Variants in TMEM232 observed in about 807,000 individuals in gnomAD.
TMEM232 encodes transmembrane protein 232.
A neutral mutation model predicts 78.8 loss-of-function variants in TMEM232; 80 were observed. That is an observed-to-expected ratio of 1.01 (90% CI 0.85 to 1.22). The LOEUF (loss-of-function observed/expected upper bound fraction) is 1.22, where lower values mean the gene tolerates loss of function less well. Ranked by LOEUF, TMEM232 falls within the 50% of genes most tolerant of loss-of-function variation. TMEM232 has a pLI of 0.00. For synonymous variants in TMEM232, 297 were observed against 254.3 expected, an observed-to-expected ratio of 1.17 and a Z score of -1.60; for missense variants, 881 against 742.2, an observed-to-expected ratio of 1.19 and a Z score of -2.17.
At chr5:110,728,516 T>C (rs1374775155), upstream of TMEM232, among the ~76,000 whole-genome samples, 2 of 151,628 alleles carry the variant, frequency 1.3e-5, no homozygotes, top group Non-Finnish European at 2.9e-5. Flanking sequence ...ATAATATTGG[T>C]ATAACCTTAG....
chr5:110,468,234 A>G lies in TMEM232; in HGVS notation c.1704-43318T>C, dbSNP rs576290725. On this transcript the variant is annotated intron_variant, in intron 12 of 13. Transcript: ENST00000455884. ...TTTTAAATTTTGAAAGAAAATAATCACCAATCCAAAATTATCTTCCCAGTG... is the reference window on the plus strand; with the variant it reads ...TTTTAAATTTTGAAAGAAAATAATCGCCAATCCAAAATTATCTTCCCAGTG... Among the ~76,000 whole-genome samples, 5 of 152,324 alleles carry G rather than the reference A, an allele frequency of 3.3e-5. No homozygotes were observed. In the East Asian group the frequency reaches 7.7e-4, roughly 23 times the overall value.
upstream of TMEM232, among the ~76,000 whole-genome samples, chr5:110,729,561 A>T (rs1181418573): frequency 6.6e-6 from 1 of 152,226 alleles, no homozygotes; most frequent in Non-Finnish European, 1.5e-5. Context: ...ACGGCAGATT[A>T]TATTTTCTCA....
intron 12 of TMEM232, among the ~76,000 whole-genome samples, chr5:110,490,171 AAGAAAG>A (rs1049915923): frequency 7.1e-6 from 1 of 140,396 alleles, no homozygotes. Flanking sequence ...GAAAGAAAGA[AAGAAAG>A]AAAGAAAGAA....
chr5:110,663,780 C>G (rs886309663), intron 2 of TMEM232, among the ~76,000 whole-genome samples: 1 of 146,832 alleles, frequency 6.8e-6, no homozygotes, highest in Admixed American at 6.9e-5. Context: ...TGTGTATATA[C>G]AATATTCAGA....
intron 12 of TMEM232, among the ~76,000 whole-genome samples, chr5:110,458,851 A>T (rs1303857190): frequency 6.6e-6 from 1 of 152,228 alleles, no homozygotes; most frequent in Non-Finnish European, 1.5e-5. Context: ...ATGCCGTTGC[A>T]TATAAAATAC....
chr5:110,581,735 A>G (rs1286137274), intron 10 of TMEM232, among the ~76,000 whole-genome samples: 2 of 151,798 alleles, frequency 1.3e-5, no homozygotes, highest in African/African-American at 4.8e-5. Context: ...AACCTACAAA[A>G]TGAGAGAAAA....
chr5:110,736,989 G>A (rs1387737775), intron 1 of TMEM232, among the ~76,000 whole-genome samples: 2 of 126,278 alleles, frequency 1.6e-5, no homozygotes, highest in South Asian at 3.0e-4. Flanking sequence ...CTTCAGAGAG[G>A]ACTTCCTTAT....
chr5:110,710,390 T>C (rs1796348398), intron 1 of TMEM232, among the ~76,000 whole-genome samples: 1 of 152,104 alleles, frequency 6.6e-6, no homozygotes, highest in Non-Finnish European at 1.5e-5. Context: ...TCTAAACTCA[T>C]TCTATGAGGC....
At chr5:110,657,171 A>G (rs1789189839) in intron 2 of TMEM232, among the ~76,000 whole-genome samples, 1 of 152,256 alleles carries the variant, frequency 6.6e-6, no homozygotes. Context: ...TAGTACAGCC[A>G]TAATGAATAA....
At chr5:110,447,721 G>A (rs1455454988) in intron 12 of TMEM232, among the ~76,000 whole-genome samples, 1 of 151,788 alleles carries the variant, frequency 6.6e-6, no homozygotes, top group Admixed American at 6.6e-5. Context: ...AAAGTCAGAG[G>A]AAAAAAAGAT....
At chr5:110,669,179 A>G (rs1031404548) in intron 1 of TMEM232, among the ~76,000 whole-genome samples, 12 of 152,192 alleles carry the variant, frequency 7.9e-5, no homozygotes, top group African/African-American at 2.9e-4. Context: ...AAAAAAATCA[A>G]TGAATCCAGG....
chr5:110,482,373 G>A (rs1763962118), intron 12 of TMEM232, among the ~76,000 whole-genome samples: 1 of 152,064 alleles, frequency 6.6e-6, no homozygotes, highest in South Asian at 2.1e-4. Flanking sequence ...CTGAGGTCAG[G>A]AGTTTGAGAT....
At chr5:110,427,824 A>G (rs1000734916) in intron 12 of TMEM232, among the ~76,000 whole-genome samples, 1 of 151,718 alleles carries the variant, frequency 6.6e-6, no homozygotes, top group African/African-American at 2.4e-5. Context: ...GTTCTTTTTC[A>G]TACAATGACA....
intron 12 of TMEM232, among the ~76,000 whole-genome samples, chr5:110,438,617 T>C (rs1758690234): frequency 6.6e-6 from 1 of 151,994 alleles, no homozygotes; most frequent in Admixed American, 6.6e-5. Flanking sequence ...TATCATGCAT[T>C]TACTTTCCGC....
At chr5:110,652,233 AATTTG>A (rs1358044337) in intron 2 of TMEM232, among the ~76,000 whole-genome samples, 112 of 151,384 alleles carry the variant, frequency 7.4e-4, no homozygotes, top group African/African-American at 2.1e-3. Flanking sequence ...AATTCAATTC[AATTTG>A]ATTTCCCCAT....
At chr5:110,542,892 T>C (rs1022997621) in intron 11 of TMEM232, among the ~76,000 whole-genome samples, 1 of 152,120 alleles carries the variant, frequency 6.6e-6, no homozygotes, top group African/African-American at 2.4e-5. Context: ...GGGCCACTAC[T>C]TCATTTACAT....
intron 1 of TMEM232, among the ~76,000 whole-genome samples, chr5:110,717,350 G>A (rs551901330): frequency 3.3e-5 from 5 of 152,180 alleles, no homozygotes; most frequent in East Asian, 1.9e-4. Context: ...TTTTAATGAC[G>A]CCATTTACTC....
chr5:110,579,096 G>A (rs1333631637), intron 10 of TMEM232, among the ~76,000 whole-genome samples: 1 of 151,748 alleles, frequency 6.6e-6, no homozygotes, highest in African/African-American at 2.4e-5. Flanking sequence ...TTTGAAAGCA[G>A]TGAGAGAAAA....
chr5:110,620,138 T>G (rs1379035630), intron 7 of TMEM232, among the ~76,000 whole-genome samples: 5 of 152,126 alleles, frequency 3.3e-5, no homozygotes, highest in Admixed American at 3.3e-4. Context: ...ACGAACAAGA[T>G]TTGAGTTTTA....
Sources: allele counts gnomAD v4.1 joint callset (sites outside exome capture counted in the v4.1 genomes callset), GRCh38; gene constraint gnomAD v4.1.1; transcripts MANE v1.5; gene names NCBI Gene and HGNC (gene_info 2026-07-23, HGNC 2026-07-21).